Variants in NT5E observed in about 807,000 individuals in gnomAD.
NT5E encodes the protein 5'-nucleotidase.
A neutral mutation model predicts 55.1 loss-of-function variants in NT5E; 53 were observed. That is an observed-to-expected ratio of 0.96 (90% CI 0.77 to 1.21). The LOEUF is 1.21. Ranked by LOEUF, NT5E falls within the 50% of genes most tolerant of loss-of-function variation. The probability of loss-of-function intolerance (pLI) is 0.00; values close to 1 mark genes in which losing one functional copy is unlikely to be tolerated. For synonymous variants in NT5E, 270 were observed against 278.4 expected, an observed-to-expected ratio of 0.97 and a Z score of 0.30; for missense variants, 683 against 724.3, an observed-to-expected ratio of 0.94 and a Z score of 0.65.
In NT5E at chr6:85,450,249, T is replaced by C; in HGVS notation, c.110T>C (p.Val37Ala). ...WELTILHTND[V>A]HSRLEQTSED... The stretch of plus-strand genomic sequence containing the variant: ...CTTACGATTTTGCACACCAACGACG[T>C]GCACAGCCGGCTGGAGCAGACCAGC... Residue 37 changes from valine (V) to alanine (A), a missense_variant, in exon 1 of 9, where the codon GTG becomes GCG. Val to Ala is a moderately conservative substitution (Grantham distance 64, BLOSUM62 0). Transcript: ENST00000257770. This position sits in a 1 kb window ranked among gnomAD's most constrained non-coding sequence, Gnocchi z 4.0. 6.2e-7 allele frequency: 1 copy of C among 1,609,908 alleles called. No homozygotes were observed. Among genetic ancestry groups the C allele is most frequent in the Non-Finnish European group, 8.5e-7 (1 of 1,179,078 alleles).
chr6:85,490,982 T>C, intron 7 of NT5E: 1 of 476,070 alleles, frequency 2.1e-6, no homozygotes, highest in Non-Finnish European at 4.2e-6. Context: ...CAATTATTTT[T>C]TTTTTAAATC....
rs1054660410 is a variant in NT5E at position 85,450,676 on chromosome 6, C to A, written c.339+198C>A. On this transcript the variant is annotated intron_variant, in intron 1 of 8. Transcript: ENST00000257770. The surrounding 1 kb of genome is among the most constrained non-coding windows in gnomAD (Gnocchi z 4.0). ...GATTCGTCTTAAACGGACGTTATTGCGCCCCCACTATGAGATGGGAGTATT... is the reference window on the plus strand; with the variant it reads ...GATTCGTCTTAAACGGACGTTATTGAGCCCCCACTATGAGATGGGAGTATT... Among the ~76,000 whole-genome samples, 25 of 152,188 alleles carry A rather than the reference C, an allele frequency of 1.6e-4. No homozygotes were observed. Among genetic ancestry groups the A allele is most frequent in the African/African-American group, 5.8e-4 (24 of 41,450 alleles).
In NT5E at chr6:85,450,228, C is replaced by G. The variant is rs1163771300; in HGVS notation, c.89C>G (p.Thr30Arg). 1 of 1,609,968 alleles carries G rather than the reference C, an allele frequency of 6.2e-7. No homozygotes were observed. The highest frequency in any genetic ancestry group is 1.7e-4 in the Middle Eastern group (1 of 6,056). Residue 30 changes from threonine to arginine, a missense_variant, in exon 1 of 9, where the codon ACG (threonine) becomes AGG (arginine). Thr to Arg is a moderately conservative substitution (Grantham distance 71). Coordinates refer to ENST00000257770, the MANE Select transcript of NT5E (RefSeq NM_002526.4). This position sits in a 1 kb window ranked among gnomAD's most constrained non-coding sequence, Gnocchi z 4.0. ...CCTGCGGCTGGCGCCTGGGAGCTTA[C>G]GATTTTGCACACCAACGACGTGCAC... ...LWPAAGAWELTILHTNDVHSR... is the reference protein window; with the variant it reads ...LWPAAGAWELRILHTNDVHSR...
At chr6:85,465,431 A>C (rs919610975) in intron 1 of NT5E, among the ~76,000 whole-genome samples, 1 of 152,204 alleles carries the variant, frequency 6.6e-6, no homozygotes, top group Non-Finnish European at 1.5e-5. Context: ...CACCATAGGA[A>C]AAAAATCATA....
rs1769624930 is a variant in NT5E at position 85,485,239 on chromosome 6, T to C, written c.756T>C (p.Asn252=). ...GCTGTGGCTCTTTTATTTCAGGCAA[T>C]CCACCTTCCAAAGAGGTGCCTGCTG... ...GHSNTFLYTG[N]PPSKEVPAGK... The change falls in exon 4 of 9, where the codon AAT becomes AAC. Residue 252 remains asparagine (N), a synonymous_variant. Transcript: ENST00000257770. 11 of 1,614,130 alleles carry C rather than the reference T, an allele frequency of 6.8e-6. No homozygotes were observed. In the East Asian group the frequency reaches 2.2e-4, roughly 33 times the overall value.
intron 3 of NT5E, among the ~76,000 whole-genome samples, chr6:85,473,239 G>A (rs1417453074): frequency 1.3e-5 from 2 of 152,116 alleles, no homozygotes; most frequent in East Asian, 3.9e-4. Context: ...CTAATGGTGG[G>A]GTCCTTTCAA....
intron 1 of NT5E, among the ~76,000 whole-genome samples, chr6:85,458,161 A>C (rs1769023315): frequency 6.6e-6 from 1 of 152,256 alleles, no homozygotes; most frequent in Admixed American, 6.5e-5. Context: ...TTCTTGAGGA[A>C]AGAAAAATTA....
intron 2 of NT5E, among the ~76,000 whole-genome samples, chr6:85,470,008 G>A (rs1582376264): frequency 6.6e-6 from 1 of 152,176 alleles, no homozygotes; most frequent in East Asian, 1.9e-4. Context: ...GCAGACTCCT[G>A]CATTTTGAAA....
chr6:85,485,441 A>C lies in NT5E; in HGVS notation c.949+9A>C. 1 of 1,613,158 alleles carries C rather than the reference A, an allele frequency of 6.2e-7. No individual in the cohort carries two copies. ...CAGCAGCATTCCTGAAGGTAAGTGA[A>C]GTTCAGGGGAATGTTCCACCAATCT... On this transcript the variant is annotated intron_variant, in intron 4 of 8. Coordinates refer to ENST00000257770, the MANE Select transcript of NT5E (RefSeq NM_002526.4).
At chr6:85,466,347 G>C (rs1198261910) in intron 1 of NT5E, among the ~76,000 whole-genome samples, 2 of 152,184 alleles carry the variant, frequency 1.3e-5, no homozygotes. Flanking sequence ...AGCAGGTACA[G>C]AACCCGCTGA....
In NT5E at chr6:85,450,207, C is replaced by A; in HGVS notation, c.68C>A (p.Ala23Glu). Residue 23 changes from alanine to glutamate, a missense_variant, in exon 1 of 9, where the codon GCG becomes GAG. Ala to Glu is a moderately radical substitution (Grantham distance 107). Coordinates refer to ENST00000257770, the MANE Select transcript of NT5E (RefSeq NM_002526.4). This position sits in a 1 kb window ranked among gnomAD's most constrained non-coding sequence, Gnocchi z 4.0. ...GCCCTGGGCGCGGTGCTGTGGCCTG[C>A]GGCTGGCGCCTGGGAGCTTACGATT... ...LLALGAVLWP[A>E]AGAWELTILH... 6.2e-7 allele frequency: 1 copy of A among 1,608,346 alleles called. No individual in the cohort carries two copies. Among genetic ancestry groups the A allele is most frequent in the Non-Finnish European group, 8.5e-7 (1 of 1,178,634 alleles).
intron 3 of NT5E, among the ~76,000 whole-genome samples, chr6:85,483,371 G>C (rs752533053): frequency 6.6e-6 from 1 of 152,210 alleles, no homozygotes; most frequent in Non-Finnish European, 1.5e-5. Context: ...TAAAAACCAG[G>C]CACCAGGTTT....
chr6:85,477,400 T>C (rs1473108823), intron 3 of NT5E, among the ~76,000 whole-genome samples: 5 of 152,204 alleles, frequency 3.3e-5, no homozygotes, highest in Non-Finnish European at 7.3e-5. Context: ...ATATTGAATA[T>C]AAAATTCAAA....
At chr6:85,481,665 G>T (rs1222571209) in intron 3 of NT5E, among the ~76,000 whole-genome samples, 1 of 152,174 alleles carries the variant, frequency 6.6e-6, no homozygotes, top group East Asian at 1.9e-4. Context: ...ACGTGGGTGT[G>T]GTCTAGGAAT....
rs1051298502 is a variant in NT5E, at chr6:85,489,694, C to A, written c.1210+95C>A. On this transcript the variant is annotated intron_variant, in intron 6 of 8. Transcript: ENST00000257770. ...TGCCCTGAACACACCCATGTGCAGCCTCAGTTCATCTCTGCTGCCAGCCAT... is the reference window on the plus strand; with the variant it reads ...TGCCCTGAACACACCCATGTGCAGCATCAGTTCATCTCTGCTGCCAGCCAT... 5 of 826,980 alleles carry A rather than the reference C, an allele frequency of 6.0e-6. No homozygotes were observed. The African/African-American group carries it at 8.5e-5, about 14-fold the overall frequency. 51.2% of individuals were successfully genotyped at this position (826,980 alleles called of 1,614,324 possible).
chr6:85,484,974 C>G (rs1433875243), intron 3 of NT5E, among the ~76,000 whole-genome samples: 1 of 152,146 alleles, frequency 6.6e-6, no homozygotes, highest in Non-Finnish European at 1.5e-5. Flanking sequence ...TTTGTGTGCC[C>G]CACAGCACAA....
chr6:85,454,040 C>T (rs948236391), intron 1 of NT5E, among the ~76,000 whole-genome samples: 4 of 152,126 alleles, frequency 2.6e-5, no homozygotes, highest in African/African-American at 9.7e-5. Flanking sequence ...CCCTAGATGC[C>T]CTTATACCTA....
At chr6:85,467,839 G>T (rs1769225643) in intron 2 of NT5E, among the ~76,000 whole-genome samples, 1 of 151,236 alleles carries the variant, frequency 6.6e-6, no homozygotes, top group Admixed American at 6.6e-5. Context: ...TACATTTATA[G>T]ACATATATAC....
At position 85,450,234 on chromosome 6, in the gene NT5E, T is replaced by G; in HGVS notation, c.95T>G (p.Leu32Trp). Residue 32 changes from leucine (L) to tryptophan (W), a missense_variant, in exon 1 of 9, where the codon TTG becomes TGG. Coordinates refer to ENST00000257770, the MANE Select transcript of NT5E (RefSeq NM_002526.4). The surrounding 1 kb of genome is among the most constrained non-coding windows in gnomAD (Gnocchi z 4.0). Reference sequence around the variant, plus strand: ...GCTGGCGCCTGGGAGCTTACGATTTTGCACACCAACGACGTGCACAGCCGG... The same window carrying G: ...GCTGGCGCCTGGGAGCTTACGATTTGGCACACCAACGACGTGCACAGCCGG... ...PAAGAWELTI[L>W]HTNDVHSRLE... 2.5e-6 allele frequency: 4 copies of G among 1,610,364 alleles called. No individual in the cohort carries two copies. Among genetic ancestry groups the G allele is most frequent in the Non-Finnish European group, 3.4e-6 (4 of 1,179,300 alleles).
Sources: allele counts gnomAD v4.1 joint callset (sites outside exome capture counted in the v4.1 genomes callset), GRCh38; gene constraint gnomAD v4.1.1; non-coding constraint Gnocchi (gnomAD v3.1); transcripts MANE v1.5; gene names NCBI Gene and HGNC (gene_info 2026-07-23, HGNC 2026-07-21).